VWF: variants seen among roughly 807,000 people sequenced by gnomAD.
VWF encodes Factor VIII related antigen.
A neutral mutation model predicts 308.6 loss-of-function variants in VWF; 176 were observed. The ratio of observed to expected loss-of-function variants is 0.57; its 90% CI spans 0.50 to 0.65. The LOEUF is 0.65. VWF is among the 30% of genes least tolerant of loss of function. The pLI is 0.00. For synonymous variants in VWF, 1,385 were observed against 1,443.4 expected, an observed-to-expected ratio of 0.96 and a Z score of 0.92; for missense variants, 3,146 against 3,648.2, an observed-to-expected ratio of 0.86 and a Z score of 3.55.
At position 6,103,399 on chromosome 12, in the gene VWF, C is replaced by T. The variant is rs533665190; in HGVS notation, c.532+6975G>A. Reference sequence around the variant, plus strand: ...GTGTGTATACACGTGTGTGTATACACGTGTGTGTATACACACGTGTGTGTA... The same window carrying T: ...GTGTGTATACACGTGTGTGTATACATGTGTGTGTATACACACGTGTGTGTA... On this transcript the variant is annotated intron_variant, in intron 5 of 51. Transcript: ENST00000261405. Among the ~76,000 whole-genome samples the T allele has an allele frequency of 9.9e-5, 12 of 120,614 alleles. No homozygotes were observed. In the South Asian group the frequency reaches 1.7e-3, roughly 17 times the overall value. 79.1% of individuals were successfully genotyped at this position (120,614 alleles called of 152,430 possible).
In VWF at chr12:6,075,321, G is replaced by A. The variant is rs1283715029; in HGVS notation, c.874+14C>T. ...ATCCCCGGCAGGGCAGGACGGGGCAGGGGGCCGACTTACTGCACGCGCTGT... is the reference window on the plus strand; with the variant it reads ...ATCCCCGGCAGGGCAGGACGGGGCAAGGGGCCGACTTACTGCACGCGCTGT... On this transcript the variant is annotated intron_variant, in intron 7 of 51. Coordinates refer to ENST00000261405, the MANE Select transcript of VWF (RefSeq NM_000552.5). The surrounding 1 kb of genome is among the most constrained non-coding windows in gnomAD (Gnocchi z 4.7). 6 of 1,613,732 alleles carry A rather than the reference G, an allele frequency of 3.7e-6. No individual in the cohort carries two copies. The highest frequency in any genetic ancestry group is 5.1e-6 in the Non-Finnish European group (6 of 1,179,934).
intron 42 of VWF, among the ~76,000 whole-genome samples, chr12:5,977,673 C>T (rs983884366): frequency 3.3e-5 from 5 of 151,800 alleles, no homozygotes; most frequent in Admixed American, 1.3e-4. Flanking sequence ...AGCTCCAGAC[C>T]GGCATGGGTA....
chr12:6,023,933 G>A (rs113832970), intron 24 of VWF, 146 bp from the exon 25 acceptor site: 11 of 784,738 alleles, frequency 1.4e-5, no homozygotes, highest in Non-Finnish European at 2.2e-5. Flanking sequence ...GTCTCAAAGA[G>A]GGAATGAGTG....
At chr12:6,014,682 A>G (rs556601781) in intron 31 of VWF, among the ~76,000 whole-genome samples, 5 of 152,344 alleles carry the variant, frequency 3.3e-5, no homozygotes, top group South Asian at 4.1e-4. Flanking sequence ...CTATTAGAGC[A>G]TGCAAACTGA....
intron 18 of VWF, among the ~76,000 whole-genome samples, chr12:6,040,140 G>GTTA (rs1944381716): frequency 6.6e-6 from 1 of 152,158 alleles, no homozygotes; most frequent in African/African-American, 2.4e-5. Context: ...TGCTCCCAGA[G>GTTA]TTACCCTTGC....
intron 47 of VWF, among the ~76,000 whole-genome samples, chr12:5,954,252 C>T (rs1163071560): frequency 6.6e-6 from 1 of 152,208 alleles, no homozygotes; most frequent in Admixed American, 6.5e-5. Flanking sequence ...AAGCCTACGT[C>T]TACTCTTGTG....
rs1464357370 is a variant in VWF at position 6,075,284 on chromosome 12, G to A, written c.874+51C>T. 6.8e-6 allele frequency: 11 copies of A among 1,610,806 alleles called. No homozygotes were observed. Among genetic ancestry groups the A allele is most frequent in the Non-Finnish European group, 8.5e-6 (10 of 1,178,216 alleles). On this transcript the variant is annotated intron_variant, in intron 7 of 51. Transcript: ENST00000261405. The surrounding 1 kb of genome is among the most constrained non-coding windows in gnomAD (Gnocchi z 4.7). ...AAGCACCCTAAGGGACACCACCCAG[G>A]ACAGACCGTTCATCCCCGGCAGGGC...
At chr12:6,095,331 T>C in intron 6 of VWF, 129 bp downstream of exon 6, 1 of 1,443,744 alleles carries the variant, frequency 6.9e-7, no homozygotes, top group Non-Finnish European at 9.7e-7. Context: ...CCACAGTTAG[T>C]TTTGGAGGAA....
At chr12:6,064,437 C>T in intron 11 of VWF, 53 bp from the exon 12 acceptor site, 1 of 1,609,142 alleles carries the variant, frequency 6.2e-7, no homozygotes, top group Non-Finnish European at 8.5e-7. Context: ...CTATCCAGCT[C>T]CCCAGCCCAG....
intron 6 of VWF, among the ~76,000 whole-genome samples, chr12:6,082,245 G>T (rs1450562612): frequency 6.6e-6 from 1 of 152,158 alleles, no homozygotes; most frequent in Non-Finnish European, 1.5e-5. Context: ...GATTGCAGGC[G>T]TGAGCCACCG....
In VWF at chr12:6,052,765, C is replaced by T. The variant is rs750678981; in HGVS notation, c.1964G>A (p.Gly655Asp). Residue 655 changes from glycine to aspartate, a missense_variant, in exon 16 of 52, where the codon GGC becomes GAC. Physicochemically the swap from Gly to Asp is moderately conservative, Grantham distance 94. Transcript: ENST00000261405. ...PGRCELNCPK[G>D]QVYLQCGTPC... Reference sequence around the variant, plus strand: ...GGTCCCGCACTGCAGGTACACCTGGCCTTTCGGGCAGTTCAGCTCTAGAAG... The same window carrying T: ...GGTCCCGCACTGCAGGTACACCTGGTCTTTCGGGCAGTTCAGCTCTAGAAG... The T allele has an allele frequency of 6.2e-7, 1 of 1,609,712 alleles. No individual in the cohort carries two copies. The highest frequency in any genetic ancestry group is 1.7e-5 in the Admixed American group (1 of 59,300).
At chr12:5,984,377 G>A (rs1260013715) in intron 40 of VWF, among the ~76,000 whole-genome samples, 1 of 152,200 alleles carries the variant, frequency 6.6e-6, no homozygotes, top group African/African-American at 2.4e-5. Flanking sequence ...AATTTCATGA[G>A]TACAAATAAG....
chr12:5,997,215 T>C (rs918792466), intron 34 of VWF, among the ~76,000 whole-genome samples: 5 of 152,182 alleles, frequency 3.3e-5, no homozygotes, highest in Non-Finnish European at 7.4e-5. Flanking sequence ...AAATCCCCTA[T>C]GTCCTTGAGC....
intron 3 of VWF, among the ~76,000 whole-genome samples, chr12:6,111,290 TGA>T (rs1316489008): frequency 1.3e-5 from 2 of 152,132 alleles, no homozygotes; most frequent in African/African-American, 2.4e-5. Context: ...ATGCGACAAT[TGA>T]GTATATTGTA....
intron 22 of VWF, among the ~76,000 whole-genome samples, chr12:6,026,503 G>A (rs1205304420): frequency 2.0e-5 from 3 of 152,228 alleles, no homozygotes; most frequent in Non-Finnish European, 2.9e-5. Flanking sequence ...GCCTGGAGAA[G>A]TGCAGCCTGT....
intron 5 of VWF, among the ~76,000 whole-genome samples, chr12:6,100,269 T>C (rs1383584309): frequency 6.7e-6 from 1 of 148,902 alleles, no homozygotes; most frequent in African/African-American, 2.5e-5. Context: ...TGTGGAGAAA[T>C]AGGAACACTT....
intron 5 of VWF, among the ~76,000 whole-genome samples, chr12:6,107,317 T>C (rs1945254851): frequency 6.6e-6 from 1 of 152,242 alleles, no homozygotes; most frequent in African/African-American, 2.4e-5. Flanking sequence ...GACAAAACTG[T>C]TCTATAGTTT....
At chr12:6,045,191 G>T (rs553560474) in intron 17 of VWF, among the ~76,000 whole-genome samples, 5 of 152,298 alleles carry the variant, frequency 3.3e-5, no homozygotes, top group African/African-American at 1.2e-4. Flanking sequence ...GGCTAATTGG[G>T]TAATACTGAC....
intron 14 of VWF, 56 bp downstream of exon 14, chr12:6,057,793 A>C: frequency 6.5e-7 from 1 of 1,549,840 alleles, no homozygotes; most frequent in Non-Finnish European, 8.7e-7. Context: ...GCACTGCACT[A>C]ATGTGGAGAC....
Sources: allele counts gnomAD v4.1 joint callset (sites outside exome capture counted in the v4.1 genomes callset), GRCh38; gene constraint gnomAD v4.1.1; non-coding constraint Gnocchi (gnomAD v3.1); transcripts MANE v1.5; gene names NCBI Gene and HGNC (gene_info 2026-07-23, HGNC 2026-07-21).